Variants in DOCK1 observed in about 807,000 individuals in gnomAD.
DOCK1 encodes the protein dedicator of cytokinesis protein 1.
DOCK1 carries 138 observed loss-of-function variants against 262.7 expected under a neutral mutation model. The observed-to-expected ratio is 0.53, with a 90% CI of 0.46 to 0.61. DOCK1 has a LOEUF of 0.61. Ranked by LOEUF, DOCK1 falls within the 20% of genes least tolerant of loss-of-function variation. The pLI, the probability that DOCK1 is intolerant of heterozygous loss-of-function variation, is 0.00. For missense variants in DOCK1, 1,908 were observed against 2,370.7 expected (o/e 0.80, Z 4.05); for synonymous variants, 866 against 867.4 (o/e 1.00, Z 0.03).
chr10:127,348,288 C>T (rs2063735277), intron 31 of DOCK1, among the ~76,000 whole-genome samples: 1 of 152,108 alleles, frequency 6.6e-6, no homozygotes, highest in African/African-American at 2.4e-5. Context: ...GCAGCTCTTC[C>T]TCCCATCCCA....
chr10:127,159,148 T>C (rs888705678), intron 27 of DOCK1, among the ~76,000 whole-genome samples: 49 of 152,238 alleles, frequency 3.2e-4, no homozygotes, highest in Non-Finnish European at 6.9e-4. Flanking sequence ...AGAAGGGATC[T>C]GGACAAGCCA....
At chr10:127,406,238 G>A (rs1229426999) in intron 40 of DOCK1, among the ~76,000 whole-genome samples, 1 of 152,118 alleles carries the variant, frequency 6.6e-6, no homozygotes, top group African/African-American at 2.4e-5. Context: ...CCAGAGCAAG[G>A]GAGCAGCCTG....
At chr10:127,104,316 A>G (rs1403377760) in intron 23 of DOCK1, among the ~76,000 whole-genome samples, 2 of 152,206 alleles carry the variant, frequency 1.3e-5, no homozygotes, top group African/African-American at 2.4e-5. Context: ...ACATTGTGCT[A>G]TTTGTATCAT....
chr10:127,361,129 T>TTTG (rs1166948264), intron 32 of DOCK1, among the ~76,000 whole-genome samples: 1 of 147,198 alleles, frequency 6.8e-6, no homozygotes, highest in Non-Finnish European at 1.5e-5. Context: ...TTTTTTTTTT[T>TTTG]TTGAGACAGA....
chr10:127,246,981 A>G (rs781116294), intron 27 of DOCK1, among the ~76,000 whole-genome samples: 1 of 152,184 alleles, frequency 6.6e-6, no homozygotes, highest in Non-Finnish European at 1.5e-5. Context: ...TTAAAATGTC[A>G]TTAACTTAGG....
intron 27 of DOCK1, among the ~76,000 whole-genome samples, chr10:127,196,413 A>C (rs2057154350): frequency 6.7e-6 from 1 of 148,604 alleles, no homozygotes. Context: ...GTCTTCGGCG[A>C]GATCTCAGAG....
At chr10:127,128,208 T>G (rs1319791818) in intron 27 of DOCK1, 1 of 152,506 alleles carries the variant, frequency 6.6e-6, no homozygotes, top group Non-Finnish European at 1.5e-5. Flanking sequence ...AAGAATATTT[T>G]ACTAATTTAG....
chr10:127,383,912 G>GT (rs369845724), intron 37 of DOCK1, among the ~76,000 whole-genome samples: 33 of 151,426 alleles, frequency 2.2e-4, no homozygotes, highest in African/African-American at 3.1e-4. Flanking sequence ...TTCTTGTTCT[G>GT]TTTTTTTTTC....
chr10:127,032,373 T>C (rs2043300923), intron 18 of DOCK1, 53 bp downstream of exon 18: 2 of 1,452,512 alleles, frequency 1.4e-6, no homozygotes, highest in Non-Finnish European at 1.8e-6. Context: ...CCCAGTCCTG[T>C]CTTTTCCATG....
chr10:127,363,027 A>G, intron 33 of DOCK1, among the ~76,000 whole-genome samples: 1 of 149,262 alleles, frequency 6.7e-6, no homozygotes, highest in Admixed American at 6.7e-5. Flanking sequence ...ACACACACAC[A>G]CATGCACCTC....
At chr10:127,228,547 A>C (rs937523749) in intron 27 of DOCK1, among the ~76,000 whole-genome samples, 9 of 152,176 alleles carry the variant, frequency 5.9e-5, no homozygotes, top group Non-Finnish European at 1.3e-4. Context: ...GCTTGGTCGT[A>C]GCCTTTGCCA....
chr10:127,262,568 G>A (rs1792249541), intron 29 of DOCK1, among the ~76,000 whole-genome samples: 1 of 145,608 alleles, frequency 6.9e-6, no homozygotes, highest in African/African-American at 2.4e-5. Context: ...GCTGGATCAG[G>A]TGGGTTTTTG....
intron 27 of DOCK1, among the ~76,000 whole-genome samples, chr10:127,196,320 C>T (rs1020554300): frequency 6.7e-6 from 1 of 148,744 alleles, no homozygotes; most frequent in Non-Finnish European, 1.5e-5. Context: ...GGGACGCCCG[C>T]GCGCTCGCTT....
chr10:127,182,231 C>T (rs1268982756), intron 27 of DOCK1, among the ~76,000 whole-genome samples: 5 of 152,152 alleles, frequency 3.3e-5, no homozygotes, highest in East Asian at 1.9e-4. Context: ...ATGTAGGCAT[C>T]GAGGCAGAAG....
intron 29 of DOCK1, among the ~76,000 whole-genome samples, chr10:127,330,521 G>A (rs6482802): frequency 0.17 from 25,941 of 152,182 alleles, 2,361 homozygotes; most frequent in East Asian, 0.25. Context: ...GAAAATAGTA[G>A]GATGGTTCCT....
At chr10:127,141,183 C>T (rs998675006) in intron 27 of DOCK1, among the ~76,000 whole-genome samples, 4 of 152,230 alleles carry the variant, frequency 2.6e-5, no homozygotes, top group Non-Finnish European at 5.9e-5. Flanking sequence ...CCAAATGTTG[C>T]CCAATCCATC....
At chr10:127,393,379 AT>A (rs35592233) in intron 38 of DOCK1, among the ~76,000 whole-genome samples, 1 of 152,140 alleles carries the variant, frequency 6.6e-6, no homozygotes, top group Non-Finnish European at 1.5e-5. Flanking sequence ...GGAAATCTTC[AT>A]TACGTACTTA....
chr10:127,231,077 G>A (rs111958233), intron 27 of DOCK1, among the ~76,000 whole-genome samples: 21 of 151,888 alleles, frequency 1.4e-4, no homozygotes, highest in African/African-American at 4.3e-4. Flanking sequence ...TTTATCACAC[G>A]TTTGATTACT....
intron 27 of DOCK1, among the ~76,000 whole-genome samples, chr10:127,228,262 A>G (rs1193646542): frequency 1.3e-5 from 2 of 152,104 alleles, no homozygotes; most frequent in Non-Finnish European, 2.9e-5. Context: ...CTGGGGACCC[A>G]CCTTCCCTCG....
Sources: allele counts gnomAD v4.1 joint callset (sites outside exome capture counted in the v4.1 genomes callset), GRCh38; gene constraint gnomAD v4.1.1; transcripts MANE v1.5; gene names NCBI Gene and HGNC (gene_info 2026-07-23, HGNC 2026-07-21).